The following PDE4D variants were observed in gnomAD, a reference collection of about 807,000 sequenced individuals.
PDE4D encodes phosphodiesterase 4D, also known as 3',5'-cyclic-AMP phosphodiesterase 4D.
Under a neutral mutation model 87.4 loss-of-function variants are expected in PDE4D, and 24 were observed. That is an observed-to-expected ratio of 0.27 (90% CI 0.20 to 0.39). The LOEUF (loss-of-function observed/expected upper bound fraction) is 0.39. Among genes scored for constraint, PDE4D ranks in the 10% least tolerant of loss-of-function variants. PDE4D has a pLI of 1.00. For synonymous variants in PDE4D, 384 were observed against 383.2 expected, an observed-to-expected ratio of 1.00 and a Z score of -0.02; for missense variants, 714 against 1,041.0, an observed-to-expected ratio of 0.69 and a Z score of 4.32.
chr5:59,079,864 GGAGA>G (rs1199857966), intron 5 of PDE4D, among the ~76,000 whole-genome samples: 1 of 143,930 alleles, frequency 6.9e-6, no homozygotes, highest in East Asian at 2.0e-4. Flanking sequence ...GGAGAGGAGA[GGAGA>G]GGAGAGGAGA....
At chr5:60,511,905 T>C (rs1750592765) in intron 1 of PDE4D, among the ~76,000 whole-genome samples, 1 of 152,212 alleles carries the variant, frequency 6.6e-6, no homozygotes, top group African/African-American at 2.4e-5. Flanking sequence ...AAGAATTTAA[T>C]ATTGTATCCA....
intron 3 of PDE4D, among the ~76,000 whole-genome samples, chr5:59,924,109 C>G (rs781165497): frequency 2.0e-5 from 3 of 152,032 alleles, no homozygotes; most frequent in Non-Finnish European, 2.9e-5. Flanking sequence ...CTCTTAATGG[C>G]AGAATTATCA....
intron 6 of PDE4D, among the ~76,000 whole-genome samples, chr5:59,019,560 T>A (rs1042894084): frequency 6.6e-6 from 1 of 152,146 alleles, no homozygotes; most frequent in African/African-American, 2.4e-5. Context: ...TCCTCCAGAA[T>A]GCCCACTACC....
At chr5:59,943,736 C>T (rs1757429387) in intron 3 of PDE4D, among the ~76,000 whole-genome samples, 1 of 152,196 alleles carries the variant, frequency 6.6e-6, no homozygotes, top group African/African-American at 2.4e-5. Context: ...GAATCTGGTT[C>T]TGGACTCTGA....
Position 60,195,756 on chromosome 5 carries a change from G to A in PDE4D, c.-89-10069C>T, listed in dbSNP as rs1488120808. On this transcript the variant is annotated intron_variant, in intron 1 of 16. Coordinates refer to the PDE4D transcript ENST00000502484. ...ACAGAATCTCAGAATAGCTGGTGTG[G>A]GACCCCCGAGGAGGCAGTAAATGAT... Among the ~76,000 whole-genome samples the A allele has an allele frequency of 2.0e-5, 3 of 151,598 alleles. 1 individual carries two copies. The highest frequency in any genetic ancestry group is 1.3e-4 in the Admixed American group (2 of 15,204).
intron 1 of PDE4D, among the ~76,000 whole-genome samples, chr5:59,338,949 T>C (rs1173253459): frequency 6.6e-6 from 1 of 152,220 alleles, no homozygotes; most frequent in Non-Finnish European, 1.5e-5. Flanking sequence ...TCTTATGAAA[T>C]ATGTTATGAA....
intron 1 of PDE4D, among the ~76,000 whole-genome samples, chr5:59,643,666 G>A (rs919019112): frequency 6.6e-6 from 1 of 152,168 alleles, no homozygotes; most frequent in Non-Finnish European, 1.5e-5. Flanking sequence ...AGCTCTTTGT[G>A]TAAGCACGGT....
chr5:58,978,723 T>C (rs1744409954), intron 11 of PDE4D, among the ~76,000 whole-genome samples: 1 of 151,990 alleles, frequency 6.6e-6, no homozygotes, highest in Admixed American at 6.6e-5. Context: ...TAGTAGGGAG[T>C]AGGTTTGTAC....
intron 1 of PDE4D, among the ~76,000 whole-genome samples, chr5:59,410,946 T>C (rs1267684061): frequency 2.6e-5 from 4 of 152,224 alleles, no homozygotes; most frequent in East Asian, 3.8e-4. Flanking sequence ...ATTCAGTTGA[T>C]AGACTTTCAT....
intron 1 of PDE4D, among the ~76,000 whole-genome samples, chr5:59,676,044 A>C (rs1748022407): frequency 6.6e-6 from 1 of 152,120 alleles, no homozygotes; most frequent in African/African-American, 2.4e-5. Context: ...TTATATATTT[A>C]GAACACCTTT....
At chr5:59,293,482 A>G (rs1255724327) in intron 1 of PDE4D, among the ~76,000 whole-genome samples, 1 of 152,162 alleles carries the variant, frequency 6.6e-6, no homozygotes, top group Non-Finnish European at 1.5e-5. Context: ...TTTCAGCCCT[A>G]AGGAAAACAG....
chr5:59,291,935 GT>G (rs1472357686), intron 1 of PDE4D, among the ~76,000 whole-genome samples: 2 of 151,888 alleles, frequency 1.3e-5, no homozygotes, highest in African/African-American at 4.8e-5. Flanking sequence ...AAGGGATCTA[GT>G]GTGTTCTCTG....
intron 1 of PDE4D, among the ~76,000 whole-genome samples, chr5:60,283,078 TACTC>T (rs1277222985): frequency 6.6e-6 from 1 of 152,192 alleles, no homozygotes; most frequent in Non-Finnish European, 1.5e-5. Context: ...TCTGTCTACT[TACTC>T]TACCAATTAC....
intron 1 of PDE4D, among the ~76,000 whole-genome samples, chr5:60,306,363 C>T (rs1274225985): frequency 6.6e-6 from 1 of 151,876 alleles, no homozygotes; most frequent in Non-Finnish European, 1.5e-5. Flanking sequence ...ATTCAGGGTT[C>T]TCATCATTTT....
At chr5:59,190,623 A>G (rs1744096985) in intron 3 of PDE4D, among the ~76,000 whole-genome samples, 1 of 152,122 alleles carries the variant, frequency 6.6e-6, no homozygotes, top group Non-Finnish European at 1.5e-5. Context: ...TTAAATAGTT[A>G]ATGCTAAAAT....
At chr5:60,407,936 G>A (rs984459077) in intron 1 of PDE4D, among the ~76,000 whole-genome samples, 4 of 152,074 alleles carry the variant, frequency 2.6e-5, no homozygotes, top group East Asian at 3.9e-4. Flanking sequence ...AAGTGAGGCC[G>A]TGTGATTTCC....
chr5:59,901,523 A>C (rs1382025110), intron 3 of PDE4D, among the ~76,000 whole-genome samples: 1 of 152,202 alleles, frequency 6.6e-6, no homozygotes, highest in Non-Finnish European at 1.5e-5. Context: ...TTGGAAGAAA[A>C]CATAGCAACC....
At chr5:59,091,270 C>T (rs1580747265) in intron 5 of PDE4D, 2 of 366,078 alleles carry the variant, frequency 5.5e-6, no homozygotes, top group East Asian at 1.6e-4. Flanking sequence ...CCCATGAATC[C>T]ACTCCTAGGT....
intron 1 of PDE4D, among the ~76,000 whole-genome samples, chr5:60,473,011 G>A (rs534145579): frequency 6.6e-6 from 1 of 151,424 alleles, no homozygotes; most frequent in Non-Finnish European, 1.5e-5. Flanking sequence ...CCTATCATAA[G>A]CTGAGGAGCA....
Sources: allele counts gnomAD v4.1 joint callset (sites outside exome capture counted in the v4.1 genomes callset), GRCh38; gene constraint gnomAD v4.1.1; transcripts MANE v1.5; gene names NCBI Gene and HGNC (gene_info 2026-07-23, HGNC 2026-07-21).